TCF12: variants seen among roughly 807,000 people sequenced by gnomAD.
The protein encoded by TCF12 is transcription factor 12, also known as DNA-binding protein HTF4.
TCF12 carries 45 observed loss-of-function variants against 86.0 expected under a neutral mutation model. The observed-to-expected ratio is 0.52, with a 90% CI of 0.41 to 0.67. The LOEUF (loss-of-function observed/expected upper bound fraction) is 0.67, where lower values mean the gene tolerates loss of function less well. Ranked by LOEUF, TCF12 falls within the 30% of genes least tolerant of loss-of-function variation. The pLI, the probability that TCF12 is intolerant of heterozygous loss-of-function variation, is 0.00. For missense variants in TCF12, 881 were observed against 859.9 expected (o/e 1.02, Z -0.31); for synonymous variants, 330 against 299.6 (o/e 1.10, Z -1.05).
intron 3 of TCF12, among the ~76,000 whole-genome samples, chr15:56,935,351 G>GCC (rs2060423108): frequency 6.6e-6 from 1 of 152,098 alleles, no homozygotes; most frequent in Non-Finnish European, 1.5e-5. Context: ...TGCCAGCATG[G>GCC]TCACCTTCTG....
intron 5 of TCF12, among the ~76,000 whole-genome samples, chr15:57,117,398 A>G (rs746161056): frequency 6.6e-6 from 1 of 152,224 alleles, no homozygotes; most frequent in Non-Finnish European, 1.5e-5. Context: ...CTTCTTTACT[A>G]GTAAAAATTA....
At chr15:57,104,862 T>G (rs1422180661) in intron 5 of TCF12, among the ~76,000 whole-genome samples, 1 of 21,914 alleles carries the variant, frequency 4.6e-5, no homozygotes, top group African/African-American at 1.8e-4. Flanking sequence ...TTTGGTGGTG[T>G]TTTTTTTTTT....
intron 5 of TCF12, among the ~76,000 whole-genome samples, chr15:57,100,012 A>G (rs1185451924): frequency 6.6e-6 from 1 of 152,102 alleles, no homozygotes; most frequent in Non-Finnish European, 1.5e-5. Context: ...GCATTTCCTC[A>G]TTGTCACTTG....
chr15:57,151,398 C>T (rs2053748862), intron 5 of TCF12, among the ~76,000 whole-genome samples: 1 of 151,880 alleles, frequency 6.6e-6, no homozygotes, highest in Admixed American at 6.6e-5. Flanking sequence ...AATTTGTAGG[C>T]ATAGAAACAG....
chr15:57,285,727 G>A (rs1157894914), intron 20 of TCF12, among the ~76,000 whole-genome samples: 1 of 152,210 alleles, frequency 6.6e-6, no homozygotes, highest in East Asian at 1.9e-4. Context: ...TGTTTTATAC[G>A]CCTATAGTTT....
intron 3 of TCF12, among the ~76,000 whole-genome samples, chr15:56,926,036 G>C (rs531701559): frequency 1.3e-5 from 2 of 152,226 alleles, no homozygotes; most frequent in East Asian, 3.8e-4. Context: ...CATTTCGTTG[G>C]CGTGGTGGCT....
chr15:57,285,951 A>T (rs79157829), intron 20 of TCF12, among the ~76,000 whole-genome samples: 5,146 of 152,260 alleles, frequency 0.034, 299 homozygotes, highest in African/African-American at 0.12. Flanking sequence ...AAAAAACCTT[A>T]CCATACACAT....
At chr15:57,028,000 G>A (rs1293660092) in intron 3 of TCF12, among the ~76,000 whole-genome samples, 1 of 151,792 alleles carries the variant, frequency 6.6e-6, no homozygotes, top group Non-Finnish European at 1.5e-5. Flanking sequence ...GTCTCACTCT[G>A]TTGCCCAGGC....
At chr15:57,252,183 C>T (rs2060146909) in intron 14 of TCF12, 2 of 396,134 alleles carry the variant, frequency 5.0e-6, no homozygotes, top group Non-Finnish European at 8.9e-6. Flanking sequence ...ATTGAAGGAA[C>T]GTTTGCTTCT....
chr15:57,020,629 C>A (rs2065420994), intron 3 of TCF12, among the ~76,000 whole-genome samples: 1 of 152,120 alleles, frequency 6.6e-6, no homozygotes, highest in Non-Finnish European at 1.5e-5. Context: ...TAACCATCTA[C>A]TAAATAGATG....
intron 19 of TCF12, 92 bp from the exon 20 acceptor site, chr15:57,282,353 G>T: frequency 1.4e-6 from 2 of 1,470,402 alleles, no homozygotes; most frequent in South Asian, 1.2e-5. Flanking sequence ...GTATGGGAAT[G>T]AAGTTACACA....
In TCF12 at chr15:57,253,269, G is replaced by T; in HGVS notation, c.1268G>T (p.Arg423Leu). 2 of 1,613,764 alleles carry T rather than the reference G, an allele frequency of 1.2e-6. No homozygotes were observed. The highest frequency in any genetic ancestry group is 1.1e-5 in the South Asian group (1 of 91,044). Residue 423 changes from arginine (R) to leucine (L), a missense_variant, in exon 16 of 21, where the codon CGA (arginine) becomes CTA (leucine). By Grantham distance (102) the Arg-to-Leu change is moderately radical. This residue lies in a region of TCF12 where 766 missense variants were observed against 718.9 expected (regional missense o/e 1.07). Coordinates refer to ENST00000333725, the MANE Select transcript of TCF12 (RefSeq NM_207037.2). ...SFLKDVCEQS[R>L]MEDRLDRLDD... ...TTTTTTTAATCCATACAGCAGTCTC[G>T]AATGGAGGATCGTTTAGACAGACTG...
chr15:57,128,369 A>G (rs2051837407), intron 5 of TCF12, among the ~76,000 whole-genome samples: 3 of 152,136 alleles, frequency 2.0e-5, no homozygotes, highest in African/African-American at 4.8e-5. Flanking sequence ...AAGAACCTTC[A>G]TTTATCCTAG....
At chr15:56,982,396 A>G (rs61663808) in intron 3 of TCF12, among the ~76,000 whole-genome samples, 3 of 152,326 alleles carry the variant, frequency 2.0e-5, no homozygotes, top group East Asian at 3.9e-4. Context: ...GGTAAATTCA[A>G]AATCTTTTAA....
chr15:56,950,866 C>T (rs1382154928), intron 3 of TCF12, among the ~76,000 whole-genome samples: 1 of 147,806 alleles, frequency 6.8e-6, no homozygotes, highest in Non-Finnish European at 1.5e-5. Context: ...AAGCGATTCT[C>T]GTGCCTCAGC....
chr15:56,951,620 A>G (rs79533440), intron 3 of TCF12, among the ~76,000 whole-genome samples: 6,142 of 152,098 alleles, frequency 0.04, 373 homozygotes, highest in Admixed American at 0.17. Flanking sequence ...TCTTTCCTTA[A>G]TTGGTCACAA....
At chr15:56,927,251 T>C (rs2060054634) in intron 3 of TCF12, among the ~76,000 whole-genome samples, 1 of 152,188 alleles carries the variant, frequency 6.6e-6, no homozygotes, top group Non-Finnish European at 1.5e-5. Context: ...TCGGTAAAGA[T>C]GTTGGTTAAA....
intron 6 of TCF12, among the ~76,000 whole-genome samples, chr15:57,170,704 TA>T (rs1567558652): frequency 7.9e-4 from 5 of 6,312 alleles, no homozygotes; most frequent in South Asian, 5.4e-3. Flanking sequence ...ATATTATATA[TA>T]ATATATAATA....
At chr15:57,146,106 T>A (rs1263564007) in intron 5 of TCF12, among the ~76,000 whole-genome samples, 1 of 152,212 alleles carries the variant, frequency 6.6e-6, no homozygotes, top group Non-Finnish European at 1.5e-5. Context: ...CATATTGTTA[T>A]TACATATACC....
Sources: gnomAD v4.1 joint callset for allele counts (sites outside exome capture counted in the v4.1 genomes callset) on GRCh38, gnomAD v4.1.1 for gene constraint, gnomAD v4.1.1 regional missense constraint, MANE v1.5 for transcripts, NCBI Gene and HGNC (gene_info 2026-07-23, HGNC 2026-07-21) for gene names.